The following XPNPEP1 variants were observed in gnomAD, a reference collection of about 807,000 sequenced individuals.
XPNPEP1 encodes the protein xaa-Pro aminopeptidase 1.
A neutral mutation model predicts 92.4 loss-of-function variants in XPNPEP1; 39 were observed. The ratio of observed to expected loss-of-function variants is 0.42; its 90% CI spans 0.33 to 0.55. XPNPEP1 has a LOEUF of 0.55. Ranked by LOEUF, XPNPEP1 falls within the 20% of genes least tolerant of loss-of-function variation. XPNPEP1 has a pLI of 0.08. For missense variants in XPNPEP1, 654 were observed against 856.1 expected, an observed-to-expected ratio of 0.76 and a Z score of 2.95; for synonymous variants, 307 against 299.4, an observed-to-expected ratio of 1.03 and a Z score of -0.26.
chr10:109,884,179 G>C, intron 8 of XPNPEP1, 31 bp from the exon 9 acceptor site: 2 of 1,607,678 alleles, frequency 1.2e-6, no homozygotes, highest in Non-Finnish European at 1.7e-6. Flanking sequence ...CCTGTCACCT[G>C]TCTGACTTAA....
chr10:109,873,261 T>C (rs1847584919), intron 16 of XPNPEP1, 106 bp downstream of exon 16: 3 of 1,328,542 alleles, frequency 2.3e-6, no homozygotes, highest in Non-Finnish European at 3.2e-6. Flanking sequence ...GCAATTTTAC[T>C]ACCCCACATG....
At chr10:109,881,449 A>G (rs998604768) in intron 10 of XPNPEP1, among the ~76,000 whole-genome samples, 4 of 152,210 alleles carry the variant, frequency 2.6e-5, no homozygotes, top group Non-Finnish European at 5.9e-5. Context: ...CCAATTTGAG[A>G]ACAAGTTAGA....
At chr10:109,884,761 G>A (rs141221711) in intron 8 of XPNPEP1, among the ~76,000 whole-genome samples, 3 of 152,302 alleles carry the variant, frequency 2.0e-5, no homozygotes, top group Non-Finnish European at 2.9e-5. Flanking sequence ...GGGGACCTGC[G>A]GACAGCCAGT....
chr10:109,874,063 G>A (rs1315422464), intron 15 of XPNPEP1, among the ~76,000 whole-genome samples: 1 of 152,166 alleles, frequency 6.6e-6, no homozygotes. Context: ...GCTGATGGCT[G>A]CAAAACTCTG....
At chr10:109,913,921 T>C (rs1255182990) in intron 2 of XPNPEP1, among the ~76,000 whole-genome samples, 4 of 152,218 alleles carry the variant, frequency 2.6e-5, no homozygotes, top group African/African-American at 9.6e-5. Flanking sequence ...TTTTTCCTCC[T>C]TCCTCTGCTA....
intron 15 of XPNPEP1, among the ~76,000 whole-genome samples, chr10:109,874,385 G>C (rs1448253153): frequency 6.6e-6 from 1 of 152,224 alleles, no homozygotes; most frequent in African/African-American, 2.4e-5. Flanking sequence ...TTCCTGGACA[G>C]AGACCCTAAA....
chr10:109,878,352 C>A, intron 12 of XPNPEP1: 1 of 305,148 alleles, frequency 3.3e-6, no homozygotes. Context: ...GCATCCCCTC[C>A]TAAGAAATCA....
intron 2 of XPNPEP1, among the ~76,000 whole-genome samples, chr10:109,908,070 G>C (rs1849655819): frequency 6.6e-6 from 1 of 152,180 alleles, no homozygotes; most frequent in Non-Finnish European, 1.5e-5. Context: ...AACTTGACTG[G>C]TTACCTCTTT....
intron 7 of XPNPEP1, among the ~76,000 whole-genome samples, 187 bp downstream of exon 7, chr10:109,887,862 A>C (rs1848478305): frequency 6.6e-6 from 1 of 152,236 alleles, no homozygotes. Flanking sequence ...ACTAAGTGGC[A>C]AGTAGGTGGC....
chr10:109,889,197 T>C (rs1315943819), intron 5 of XPNPEP1, among the ~76,000 whole-genome samples: 1 of 152,220 alleles, frequency 6.6e-6, no homozygotes, highest in African/African-American at 2.4e-5. Context: ...TGTCCGGTTG[T>C]CTTTATTTAT....
At chr10:109,889,445 C>T (rs1391809477) in intron 5 of XPNPEP1, among the ~76,000 whole-genome samples, 1 of 152,198 alleles carries the variant, frequency 6.6e-6, no homozygotes, top group African/African-American at 2.4e-5. Context: ...TCAAGTGATC[C>T]TCCCACCTCA....
chr10:109,875,137 T>C (rs1398617749), intron 15 of XPNPEP1, among the ~76,000 whole-genome samples: 1 of 152,116 alleles, frequency 6.6e-6, no homozygotes, highest in Non-Finnish European at 1.5e-5. Context: ...AGCCCTCATT[T>C]CTCATTTATT....
chr10:109,870,705 A>G, intron 18 of XPNPEP1, 26 bp downstream of exon 18: 6 of 1,607,826 alleles, frequency 3.7e-6, no homozygotes, highest in Non-Finnish European at 5.1e-6. Context: ...GGATCCACGC[A>G]TGCCCTCTAT....
chr10:109,879,945 C>T (rs531521340), intron 12 of XPNPEP1, among the ~76,000 whole-genome samples: 7 of 152,222 alleles, frequency 4.6e-5, no homozygotes, highest in African/African-American at 1.7e-4. Context: ...ATTCCCTAAC[C>T]CAAAAAGCAT....
At chr10:109,878,658 T>C (rs889749697) in intron 12 of XPNPEP1, among the ~76,000 whole-genome samples, 4 of 151,880 alleles carry the variant, frequency 2.6e-5, no homozygotes, top group African/African-American at 9.7e-5. Flanking sequence ...GAGGCCAAGA[T>C]AGGTGGATCG....
In XPNPEP1 at chr10:109,889,493, T is replaced by C. The variant is rs570975620; in HGVS notation, c.416-898A>G. On this transcript the variant is annotated intron_variant, in intron 5 of 20. Coordinates refer to ENST00000502935, the MANE Select transcript of XPNPEP1 (RefSeq NM_020383.4). ...GCTGGCCATCCTGTTGCCTTTAACA[T>C]GAGCCTCTGGGTTCCCCAACTCCCA... Among the ~76,000 whole-genome samples, 10 of 152,370 alleles carry C rather than the reference T, an allele frequency of 6.6e-5. No homozygotes were observed. In the South Asian group the frequency reaches 2.1e-3, roughly 32 times the overall value.
At position 109,874,313 on chromosome 10, in the gene XPNPEP1, G is replaced by A. The variant is rs181912943; in HGVS notation, c.1392-886C>T. Among the ~76,000 whole-genome samples the A allele has an allele frequency of 2.0e-3, 311 of 152,276 alleles. 2 individuals carry two copies. The highest frequency in any genetic ancestry group is 3.4e-3 in the Middle Eastern group (1 of 294). On this transcript the variant is annotated intron_variant, in intron 15 of 20. Coordinates refer to ENST00000502935, the MANE Select transcript of XPNPEP1 (RefSeq NM_020383.4). Reference sequence around the variant, plus strand: ...AAGACAGAAGAAGGCAAAGAAAACAGGAGCCCATCTCTAGCAAAAGAGGGC... The same window carrying A: ...AAGACAGAAGAAGGCAAAGAAAACAAGAGCCCATCTCTAGCAAAAGAGGGC...
At chr10:109,892,707 A>G in intron 4 of XPNPEP1, 1 of 320,364 alleles carries the variant, frequency 3.1e-6, no homozygotes, top group Non-Finnish European at 5.8e-6. Flanking sequence ...ACACAGGTAT[A>G]TTCAGTTTAA....
At chr10:109,865,973 A>G (rs1847119161) in intron 20 of XPNPEP1, among the ~76,000 whole-genome samples, 1 of 152,216 alleles carries the variant, frequency 6.6e-6, no homozygotes, top group South Asian at 2.1e-4. Context: ...TCCACTAGAC[A>G]TGATGGCAAA....
Sources: allele counts gnomAD v4.1 joint callset (sites outside exome capture counted in the v4.1 genomes callset), GRCh38; gene constraint gnomAD v4.1.1; transcripts MANE v1.5; gene names NCBI Gene and HGNC (gene_info 2026-07-23, HGNC 2026-07-21).